CADM2: variants seen among roughly 807,000 people sequenced by gnomAD.
CADM2 encodes the protein immunoglobulin superfamily member 4D.
A neutral mutation model predicts 49.8 loss-of-function variants in CADM2; 12 were observed. The ratio of observed to expected loss-of-function variants is 0.24; its 90% CI spans 0.15 to 0.39. The LOEUF is 0.39. CADM2 is among the 10% of genes least tolerant of loss of function. The probability of loss-of-function intolerance (pLI) is 1.00; values close to 1 mark genes in which losing one functional copy is unlikely to be tolerated. For synonymous variants in CADM2, 214 were observed against 175.4 expected (o/e 1.22, Z -1.74); for missense variants, 378 against 492.3 (o/e 0.77, Z 2.20).
At chr3:85,728,197 C>A (rs962212533) in intron 2 of CADM2, among the ~76,000 whole-genome samples, 1 of 152,126 alleles carries the variant, frequency 6.6e-6, no homozygotes, top group East Asian at 1.9e-4. Flanking sequence ...AGGACTCAAG[C>A]TGACTAGAAT....
intron 1 of CADM2, among the ~76,000 whole-genome samples, chr3:85,142,718 G>A (rs1281558311): frequency 6.6e-6 from 1 of 152,122 alleles, no homozygotes; most frequent in Non-Finnish European, 1.5e-5. Flanking sequence ...CATAAGCTAC[G>A]AACCTTTTAA....
intron 1 of CADM2, among the ~76,000 whole-genome samples, chr3:85,377,377 A>G (rs374439264): frequency 8.5e-5 from 13 of 152,146 alleles, no homozygotes; most frequent in African/African-American, 2.6e-4. Context: ...TGTGGCTTTT[A>G]TCTTTCACCT....
In CADM2 at chr3:85,045,649, C is replaced by T. The variant is rs570666692; in HGVS notation, c.61+85981C>T. On this transcript the variant is annotated intron_variant, in intron 1 of 9. Coordinates refer to ENST00000383699, the MANE Select transcript of CADM2 (RefSeq NM_001167675.2). ...TGCATGCGTGAGGAGAATGTGTAGC[C>T]TTTTTTTTTGCTATGAATGTGCAAT... Among the ~76,000 whole-genome samples, 3 of 151,184 alleles carry T rather than the reference C, an allele frequency of 2.0e-5. No individual in the cohort carries two copies. In the East Asian group the frequency reaches 5.9e-4, roughly 30 times the overall value.
chr3:85,783,881 A>G (rs540009046), intron 2 of CADM2, among the ~76,000 whole-genome samples: 58 of 152,338 alleles, frequency 3.8e-4, no homozygotes, highest in African/African-American at 1.4e-3. Flanking sequence ...AACATTTGTC[A>G]GAAAAATATG....
At chr3:85,910,589 A>G (rs940886694) in intron 5 of CADM2, among the ~76,000 whole-genome samples, 19 of 152,122 alleles carry the variant, frequency 1.2e-4, no homozygotes, top group African/African-American at 3.9e-4. Flanking sequence ...GGACACGTTT[A>G]TAAACAATTC....
chr3:85,392,973 T>G (rs2034590215), intron 1 of CADM2, among the ~76,000 whole-genome samples: 1 of 151,836 alleles, frequency 6.6e-6, no homozygotes, highest in Non-Finnish European at 1.5e-5. Context: ...TTTAGTGAAT[T>G]GGAAGCAAAT....
intron 3 of CADM2, among the ~76,000 whole-genome samples, chr3:85,827,423 G>A (rs1025527584): frequency 1.3e-5 from 2 of 151,884 alleles, no homozygotes; most frequent in East Asian, 1.9e-4. Context: ...GTTGCATAGC[G>A]CGGTGTGTAG....
chr3:85,064,931 GTTT>G (rs963926033), intron 1 of CADM2, among the ~76,000 whole-genome samples: 1 of 152,096 alleles, frequency 6.6e-6, no homozygotes, highest in Non-Finnish European at 1.5e-5. Context: ...AACTGGTTGT[GTTT>G]TTAAGAGTAC....
intron 1 of CADM2, among the ~76,000 whole-genome samples, chr3:85,494,784 G>A (rs891802229): frequency 2.0e-5 from 3 of 152,018 alleles, no homozygotes; most frequent in African/African-American, 7.2e-5. Context: ...AACCAAAGTG[G>A]CAGCATAATA....
At chr3:85,283,910 G>A (rs1217912396) in intron 1 of CADM2, among the ~76,000 whole-genome samples, 1 of 152,134 alleles carries the variant, frequency 6.6e-6, no homozygotes, top group Non-Finnish European at 1.5e-5. Flanking sequence ...CTCTGAATGA[G>A]TTGAAAAATG....
At chr3:86,064,036 C>A (rs1739017517) in intron 8 of CADM2, among the ~76,000 whole-genome samples, 1 of 149,894 alleles carries the variant, frequency 6.7e-6, no homozygotes, top group Non-Finnish European at 1.5e-5. Flanking sequence ...CTTTTCACTT[C>A]TTTTTTTTTA....
chr3:85,953,750 C>T (rs1255093779), intron 7 of CADM2, among the ~76,000 whole-genome samples: 3 of 150,808 alleles, frequency 2.0e-5, no homozygotes, highest in Non-Finnish European at 4.5e-5. Context: ...AAAACTTGCA[C>T]AGATGTTTTT....
chr3:85,396,129 C>T (rs1395999630), intron 1 of CADM2, among the ~76,000 whole-genome samples: 1 of 150,970 alleles, frequency 6.6e-6, no homozygotes, highest in Non-Finnish European at 1.5e-5. Context: ...TTTTCCTTAC[C>T]CGACTGAAGA....
At chr3:85,255,008 G>A (rs1404471282) in intron 1 of CADM2, among the ~76,000 whole-genome samples, 1 of 152,052 alleles carries the variant, frequency 6.6e-6, no homozygotes, top group African/African-American at 2.4e-5. Context: ...ATCCTACTGG[G>A]ATTTGGTAAA....
chr3:85,147,236 C>A (rs1351403541), intron 1 of CADM2, among the ~76,000 whole-genome samples: 1 of 120,960 alleles, frequency 8.3e-6, no homozygotes, highest in Non-Finnish European at 1.6e-5. Flanking sequence ...GATTGTGCCA[C>A]AGCACTCCAA....
At chr3:85,668,128 T>G (rs558240964) in intron 1 of CADM2, among the ~76,000 whole-genome samples, 1 of 152,008 alleles carries the variant, frequency 6.6e-6, no homozygotes, top group South Asian at 2.1e-4. Context: ...CTTAGAAAAT[T>G]ACCACTTATG....
intron 1 of CADM2, among the ~76,000 whole-genome samples, chr3:85,137,079 A>G (rs970866656): frequency 6.6e-6 from 1 of 151,942 alleles, no homozygotes; most frequent in African/African-American, 2.4e-5. Flanking sequence ...TAAATAATTA[A>G]TCATCTACCC....
intron 6 of CADM2, among the ~76,000 whole-genome samples, chr3:85,929,357 G>A (rs1720306659): frequency 1.3e-5 from 2 of 151,880 alleles, no homozygotes; most frequent in African/African-American, 4.8e-5. Flanking sequence ...GAACAACTAT[G>A]AACCAGAAGA....
chr3:85,837,349 A>G (rs894481996), intron 3 of CADM2, among the ~76,000 whole-genome samples: 1 of 151,658 alleles, frequency 6.6e-6, no homozygotes, highest in African/African-American at 2.4e-5. Flanking sequence ...AGTATTTTCA[A>G]TAGTTTTAAG....
Sources: gnomAD v4.1 joint callset for allele counts (sites outside exome capture counted in the v4.1 genomes callset) on GRCh38, gnomAD v4.1.1 for gene constraint, MANE v1.5 for transcripts, NCBI Gene and HGNC (gene_info 2026-07-23, HGNC 2026-07-21) for gene names.